The following GALNTL6 variants were observed in gnomAD, a reference collection of about 807,000 sequenced individuals.
The protein encoded by GALNTL6 is polypeptide N-acetylgalactosaminyltransferase like 6.
A neutral mutation model predicts 73.7 loss-of-function variants in GALNTL6; 46 were observed. That is an observed-to-expected ratio of 0.62 (90% CI 0.49 to 0.80). The LOEUF is 0.80. GALNTL6 is among the 30% of genes least tolerant of loss of function. The pLI is 0.00. For synonymous variants in GALNTL6, 259 were observed against 263.7 expected (o/e 0.98, Z 0.17); for missense variants, 604 against 755.0 (o/e 0.80, Z 2.34).
intron 5 of GALNTL6, among the ~76,000 whole-genome samples, chr4:172,528,319 AATATATAT>A (rs3083419): frequency 0.019 from 1,977 of 103,412 alleles, 23 homozygotes; most frequent in African/African-American, 0.022. Context: ...CTAGAAATAA[AATATATAT>A]ATATATATAT....
chr4:171,916,618 C>A (rs942458955), intron 2 of GALNTL6, among the ~76,000 whole-genome samples: 1 of 152,086 alleles, frequency 6.6e-6, no homozygotes, highest in Non-Finnish European at 1.5e-5. Context: ...AGAACTTAAG[C>A]CCCAAGTCAA....
rs1398964944 is a variant in GALNTL6, at chr4:171,948,960, T to TAC, written c.138+134243_138+134244insCA. On this transcript the variant is annotated intron_variant, in intron 2 of 12. Transcript: ENST00000506823. ...ATGACAGACTCGCAAGCCATATATA[T>TAC]ATACACACACACACACACACACACA... Among the ~76,000 whole-genome samples, 537 of 133,180 alleles carry TAC rather than the reference T, an allele frequency of 4.0e-3. 11 individuals carry two copies. Among genetic ancestry groups the TAC allele is most frequent in the East Asian group, 0.031 (135 of 4,414 alleles). 87.4% of individuals were successfully genotyped at this position (133,180 alleles called of 152,430 possible).
chr4:171,896,341 GACA>G (rs967545149), intron 2 of GALNTL6, among the ~76,000 whole-genome samples: 5 of 152,028 alleles, frequency 3.3e-5, no homozygotes, highest in Admixed American at 6.6e-5. Flanking sequence ...TAATACACAT[GACA>G]ACAATAGCCT....
At chr4:172,735,917 C>T (rs1736432501) in intron 5 of GALNTL6, among the ~76,000 whole-genome samples, 1 of 152,100 alleles carries the variant, frequency 6.6e-6, no homozygotes. Flanking sequence ...CCGTGATGCC[C>T]CTTGAGCCAC....
At chr4:172,239,107 G>C (rs993805649) in intron 3 of GALNTL6, among the ~76,000 whole-genome samples, 4 of 151,972 alleles carry the variant, frequency 2.6e-5, no homozygotes, top group African/African-American at 9.7e-5. Context: ...GGATGATGCT[G>C]GTCTTATAGA....
At chr4:171,895,823 C>T (rs1424878602) in intron 2 of GALNTL6, among the ~76,000 whole-genome samples, 3 of 151,502 alleles carry the variant, frequency 2.0e-5, no homozygotes, top group Admixed American at 2.0e-4. Flanking sequence ...TACTTCTCCA[C>T]TTAATGAAAG....
intron 2 of GALNTL6, among the ~76,000 whole-genome samples, chr4:172,129,758 A>T (rs1733403811): frequency 6.6e-6 from 1 of 152,312 alleles, no homozygotes; most frequent in South Asian, 2.1e-4. Flanking sequence ...CCACAAGAAC[A>T]TTTGTCTTTA....
chr4:172,587,223 G>T (rs544023119), intron 5 of GALNTL6, among the ~76,000 whole-genome samples: 14 of 152,196 alleles, frequency 9.2e-5, no homozygotes, highest in Non-Finnish European at 1.6e-4. Flanking sequence ...TCTAGACCTT[G>T]TGCTGATATG....
At chr4:172,865,090 T>G (rs1352468708) in intron 7 of GALNTL6, among the ~76,000 whole-genome samples, 1 of 152,224 alleles carries the variant, frequency 6.6e-6, no homozygotes, top group Non-Finnish European at 1.5e-5. Context: ...AAGTTTGCCA[T>G]GTGCCACCAA....
chr4:172,571,610 C>A (rs1405181927), intron 5 of GALNTL6, among the ~76,000 whole-genome samples: 1 of 152,072 alleles, frequency 6.6e-6, no homozygotes, highest in East Asian at 1.9e-4. Context: ...AATCCCTTGG[C>A]CTTAAAAGGC....
At chr4:172,749,852 T>A (rs1211640635) in intron 5 of GALNTL6, among the ~76,000 whole-genome samples, 2 of 139,056 alleles carry the variant, frequency 1.4e-5, no homozygotes, top group Non-Finnish European at 3.1e-5. Flanking sequence ...TTACTCTTTG[T>A]AGACTCAACC....
chr4:172,168,118 C>T (rs540526548), intron 2 of GALNTL6, among the ~76,000 whole-genome samples: 1 of 152,254 alleles, frequency 6.6e-6, no homozygotes, highest in East Asian at 1.9e-4. Context: ...TGGAAAGTGT[C>T]TGCCATATAC....
intron 7 of GALNTL6, among the ~76,000 whole-genome samples, chr4:172,869,859 T>C (rs1394252136): frequency 6.6e-6 from 1 of 152,056 alleles, no homozygotes; most frequent in East Asian, 1.9e-4. Context: ...ATCAATACAT[T>C]CACATGTGTT....
intron 2 of GALNTL6, among the ~76,000 whole-genome samples, chr4:171,830,522 C>A (rs568191252): frequency 5.9e-5 from 9 of 152,156 alleles, no homozygotes; most frequent in African/African-American, 1.4e-4. Flanking sequence ...AGAGTATACA[C>A]AATCAAAATA....
At chr4:172,776,969 C>G (rs1272339794) in intron 5 of GALNTL6, among the ~76,000 whole-genome samples, 1 of 152,066 alleles carries the variant, frequency 6.6e-6, no homozygotes, top group Non-Finnish European at 1.5e-5. Context: ...TTAAGAAATA[C>G]CAATTCAAAG....
At chr4:171,818,390 G>T (rs1335466478) in intron 2 of GALNTL6, among the ~76,000 whole-genome samples, 1 of 151,630 alleles carries the variant, frequency 6.6e-6, no homozygotes, top group African/African-American at 2.4e-5. Flanking sequence ...AACTGTAATA[G>T]TAGTTTAGCA....
At chr4:173,012,729 C>T (rs1372277992) in intron 11 of GALNTL6, among the ~76,000 whole-genome samples, 1 of 152,228 alleles carries the variant, frequency 6.6e-6, no homozygotes, top group Non-Finnish European at 1.5e-5. Flanking sequence ...ACTCACAAAT[C>T]CCTTTATGCT....
At chr4:172,210,353 G>A (rs1736282525) in intron 2 of GALNTL6, among the ~76,000 whole-genome samples, 1 of 151,962 alleles carries the variant, frequency 6.6e-6, no homozygotes, top group Non-Finnish European at 1.5e-5. Context: ...TTTACCTAGT[G>A]TCCTTTTTCT....
At chr4:172,600,102 C>T (rs750239004) in intron 5 of GALNTL6, among the ~76,000 whole-genome samples, 59 of 152,040 alleles carry the variant, frequency 3.9e-4, no homozygotes, top group African/African-American at 1.3e-3. Context: ...GTGTAGGATT[C>T]GGACACTCTT....
Sources: allele counts gnomAD v4.1 joint callset (sites outside exome capture counted in the v4.1 genomes callset), GRCh38; gene constraint gnomAD v4.1.1; transcripts MANE v1.5; gene names NCBI Gene and HGNC (gene_info 2026-07-23, HGNC 2026-07-21).